The following WDPCP variants were observed in gnomAD, a reference collection of about 807,000 sequenced individuals.
WDPCP encodes the protein WD repeat-containing and planar cell polarity effector protein fritz homolog.
Under a neutral mutation model 93.1 loss-of-function variants are expected in WDPCP, and 71 were observed. The observed-to-expected ratio is 0.76, with a 90% CI of 0.63 to 0.93. The LOEUF (loss-of-function observed/expected upper bound fraction) is 0.93. WDPCP is among the 40% of genes least tolerant of loss of function. The pLI, the probability that WDPCP is intolerant of heterozygous loss-of-function variation, is 0.00. For synonymous variants in WDPCP, 315 were observed against 315.0 expected, an observed-to-expected ratio of 1.00 and a Z score of 0.00; for missense variants, 844 against 887.4, an observed-to-expected ratio of 0.95 and a Z score of 0.62.
intron 13 of WDPCP, among the ~76,000 whole-genome samples, chr2:63,283,256 T>C (rs945087292): frequency 6.6e-6 from 1 of 152,232 alleles, no homozygotes; most frequent in African/African-American, 2.4e-5. Flanking sequence ...TTGCCCAGGC[T>C]GGCCTCAAAG....
chr2:63,837,275 C>T, the WDPCP span, among the ~76,000 whole-genome samples: 1 of 152,268 alleles, frequency 6.6e-6, no homozygotes, highest in East Asian at 1.9e-4. Context: ...CAGTTAAGCC[C>T]GTTTGGTTAC....
At chr2:63,454,625 G>C (rs546218455) in intron 6 of WDPCP, among the ~76,000 whole-genome samples, 106 of 152,260 alleles carry the variant, frequency 7.0e-4, no homozygotes, top group African/African-American at 2.4e-3. Flanking sequence ...TGGAGATAAT[G>C]AGAAAGTTCA....
chr2:63,684,043 T>C (rs953162636), intron 2 of WDPCP, among the ~76,000 whole-genome samples: 1 of 152,168 alleles, frequency 6.6e-6, no homozygotes, highest in Non-Finnish European at 1.5e-5. Context: ...AACACACCAC[T>C]TTCAGCATTG....
chr2:63,728,671 C>G (rs1051574034), intron 2 of WDPCP, among the ~76,000 whole-genome samples: 1 of 152,144 alleles, frequency 6.6e-6, no homozygotes, highest in Non-Finnish European at 1.5e-5. Context: ...AGTTATCCCA[C>G]TGCAAGTTGA....
At chr2:63,159,435 C>G (rs867452982) in intron 15 of WDPCP, among the ~76,000 whole-genome samples, 5 of 152,008 alleles carry the variant, frequency 3.3e-5, no homozygotes, top group Admixed American at 6.6e-5. Flanking sequence ...TAAAGTTTGT[C>G]AGATAATTCC....
chr2:63,381,759 C>A, intron 11 of WDPCP, 147 bp downstream of exon 11: 5 of 809,574 alleles, frequency 6.2e-6, no homozygotes, highest in Non-Finnish European at 9.7e-6. Flanking sequence ...TATTTGATAT[C>A]TGATCCTTTC....
intron 12 of WDPCP, among the ~76,000 whole-genome samples, chr2:63,313,868 A>G (rs371724075): frequency 1.4e-4 from 1 of 7,260 alleles, no homozygotes; most frequent in East Asian, 0.029. Flanking sequence ...ATATATATAT[A>G]TATATATATA....
intron 17 of WDPCP, among the ~76,000 whole-genome samples, chr2:63,136,688 C>T (rs1024854296): frequency 1.3e-5 from 2 of 151,936 alleles, no homozygotes; most frequent in Non-Finnish European, 2.9e-5. Context: ...TTTACTGATC[C>T]TCTCCCTTCT....
chr2:63,148,964 T>C (rs1357326592), intron 17 of WDPCP, among the ~76,000 whole-genome samples: 2 of 151,434 alleles, frequency 1.3e-5, no homozygotes, highest in Admixed American at 6.6e-5. Context: ...CTGTATGAGA[T>C]TGGAAATAAG....
chr2:63,831,921 CAT>C (rs1036928813), upstream of WDPCP, among the ~76,000 whole-genome samples: 6 of 152,198 alleles, frequency 3.9e-5, no homozygotes, highest in African/African-American at 1.2e-4. Flanking sequence ...GACTGAAAAA[CAT>C]AGTCCCATCT....
intron 10 of WDPCP, among the ~76,000 whole-genome samples, chr2:63,393,046 C>T (rs1402397457): frequency 6.6e-6 from 1 of 152,094 alleles, no homozygotes; most frequent in Admixed American, 6.6e-5. Context: ...GGGTATATAC[C>T]CAAAGGATTA....
chr2:63,467,498 G>T (rs948992436), intron 6 of WDPCP, among the ~76,000 whole-genome samples: 1 of 150,252 alleles, frequency 6.7e-6, no homozygotes, highest in Non-Finnish European at 1.5e-5. Flanking sequence ...AAAAGAAAAT[G>T]CCAGGCGTGG....
intron 2 of WDPCP, among the ~76,000 whole-genome samples, chr2:63,796,468 T>TA (rs960639134): frequency 6.6e-6 from 1 of 152,238 alleles, no homozygotes; most frequent in Non-Finnish European, 1.5e-5. Flanking sequence ...CTGCAGAGTG[T>TA]AAGACAGTCT....
At chr2:63,409,644 G>A (rs1052186906) in intron 9 of WDPCP, among the ~76,000 whole-genome samples, 3 of 152,036 alleles carry the variant, frequency 2.0e-5, no homozygotes, top group African/African-American at 4.8e-5. Context: ...AAGGAAATTC[G>A]AAAAACGATA....
At chr2:63,313,865 TATATATATATATATATATATA>T (rs1437443958) in intron 12 of WDPCP, among the ~76,000 whole-genome samples, 1 of 42,772 alleles carries the variant, frequency 2.3e-5, no homozygotes, top group Non-Finnish European at 5.2e-5. Context: ...TATATATATA[TATATATATATATATATATATA>T]TTTTTTTTTT....
chr2:63,582,610 G>A (rs1708568754), intron 1 of WDPCP, among the ~76,000 whole-genome samples: 1 of 151,964 alleles, frequency 6.6e-6, no homozygotes, highest in South Asian at 2.1e-4. Flanking sequence ...GACTACACTT[G>A]CAAGGCACAT....
chr2:63,245,975 G>A (rs1680240044), intron 14 of WDPCP, among the ~76,000 whole-genome samples: 1 of 152,072 alleles, frequency 6.6e-6, no homozygotes, highest in Non-Finnish European at 1.5e-5. Context: ...TGATTATAAA[G>A]CAGTGGACAG....
chr2:63,345,095 A>C (rs988001692), intron 12 of WDPCP, among the ~76,000 whole-genome samples: 2 of 152,096 alleles, frequency 1.3e-5, no homozygotes, highest in African/African-American at 4.8e-5. Context: ...GGAGCTTCTT[A>C]CTCAGCTGTG....
At chr2:63,839,811 C>T in the WDPCP span, among the ~76,000 whole-genome samples, 175 of 152,284 alleles carry the variant, frequency 1.1e-3, no homozygotes, top group Middle Eastern at 0.01. Flanking sequence ...ATTTTAGACA[C>T]TTGTTTTGTC....
Sources: gnomAD v4.1 joint callset for allele counts (sites outside exome capture counted in the v4.1 genomes callset) on GRCh38, gnomAD v4.1.1 for gene constraint, MANE v1.5 for transcripts, NCBI Gene and HGNC (gene_info 2026-07-23, HGNC 2026-07-21) for gene names.